Variants in SLC7A14 observed in about 807,000 individuals in gnomAD.
SLC7A14 encodes solute carrier family 7 member 14, also known as gamma-aminobutyric acid transporter SLC7A14.
SLC7A14 carries 37 observed loss-of-function variants against 60.2 expected under a neutral mutation model. The observed-to-expected ratio is 0.61, with a 90% CI of 0.47 to 0.81. The LOEUF (loss-of-function observed/expected upper bound fraction) is 0.81, where lower values mean the gene tolerates loss of function less well. Ranked by LOEUF, SLC7A14 falls within the 30% of genes least tolerant of loss-of-function variation. The probability of loss-of-function intolerance (pLI) is 0.00; values close to 1 mark genes in which losing one functional copy is unlikely to be tolerated. For missense variants in SLC7A14, 886 were observed against 982.7 expected, an observed-to-expected ratio of 0.90 and a Z score of 1.32; for synonymous variants, 399 against 395.8, an observed-to-expected ratio of 1.01 and a Z score of -0.10.
At chr3:170,475,953 T>C (rs1260451317) in intron 7 of SLC7A14, among the ~76,000 whole-genome samples, 1 of 152,176 alleles carries the variant, frequency 6.6e-6, no homozygotes, top group Non-Finnish European at 1.5e-5. Flanking sequence ...CCTCAGGTGA[T>C]CTGCCCACCT....
intron 2 of SLC7A14, among the ~76,000 whole-genome samples, chr3:170,505,883 G>A (rs192000854): frequency 2.7e-5 from 4 of 148,728 alleles, no homozygotes; most frequent in African/African-American, 7.5e-5. Context: ...GCAAGACTCT[G>A]TTTCAAAAAA....
chr3:170,468,233 A>G (rs1281847245), intron 7 of SLC7A14, among the ~76,000 whole-genome samples: 5 of 152,198 alleles, frequency 3.3e-5, no homozygotes, highest in Admixed American at 3.3e-4. Context: ...CATATATGCT[A>G]ATGTTTCATT....
At chr3:170,579,230 T>C (rs1420958004) in intron 1 of SLC7A14, among the ~76,000 whole-genome samples, 1 of 152,172 alleles carries the variant, frequency 6.6e-6, no homozygotes, top group South Asian at 2.1e-4. Flanking sequence ...TCAACTCAGG[T>C]GAGTGTTCCC....
intron 1 of SLC7A14, among the ~76,000 whole-genome samples, chr3:170,582,835 A>G (rs554583460): frequency 4.6e-4 from 70 of 152,318 alleles, no homozygotes; most frequent in South Asian, 1.2e-3. Flanking sequence ...CAAAAATCCA[A>G]TTGATGAAGA....
At chr3:170,475,602 T>C (rs1382202955) in intron 7 of SLC7A14, among the ~76,000 whole-genome samples, 1 of 152,232 alleles carries the variant, frequency 6.6e-6, no homozygotes, top group Non-Finnish European at 1.5e-5. Context: ...TTGATAAAAC[T>C]ATGCTCCCCT....
At chr3:170,487,830 A>G (rs575327469) in intron 4 of SLC7A14, among the ~76,000 whole-genome samples, 1 of 152,288 alleles carries the variant, frequency 6.6e-6, no homozygotes, top group South Asian at 2.1e-4. Flanking sequence ...GTTTTTCACT[A>G]CCTTCTAGTT....
At chr3:170,514,800 C>T (rs1409656994) in intron 2 of SLC7A14, among the ~76,000 whole-genome samples, 1 of 152,194 alleles carries the variant, frequency 6.6e-6, no homozygotes, top group Non-Finnish European at 1.5e-5. Flanking sequence ...AGGTTGGAAA[C>T]TGGCCAATAC....
At chr3:170,469,013 G>A (rs1739803541) in intron 7 of SLC7A14, among the ~76,000 whole-genome samples, 1 of 152,196 alleles carries the variant, frequency 6.6e-6, no homozygotes, top group East Asian at 1.9e-4. Context: ...AATGGTCAGA[G>A]TGTCCCTGAG....
intron 7 of SLC7A14, among the ~76,000 whole-genome samples, chr3:170,474,340 G>A (rs1003001518): frequency 1.3e-5 from 2 of 152,178 alleles, no homozygotes; most frequent in Non-Finnish European, 2.9e-5. Flanking sequence ...TGTCTCAGCT[G>A]CCACTGATTG....
At chr3:170,503,669 C>G (rs556451153) in intron 2 of SLC7A14, among the ~76,000 whole-genome samples, 2 of 152,278 alleles carry the variant, frequency 1.3e-5, no homozygotes, top group South Asian at 4.1e-4. Context: ...GCTTTTGAAG[C>G]AGGCATCGAT....
chr3:170,493,572 G>A (rs912114533), intron 4 of SLC7A14, among the ~76,000 whole-genome samples: 9 of 152,314 alleles, frequency 5.9e-5, no homozygotes, highest in Non-Finnish European at 1.2e-4. Context: ...GATAAGGAGT[G>A]AAGAAGTTCA....
chr3:170,545,152 G>GA (rs1714139411), intron 1 of SLC7A14, among the ~76,000 whole-genome samples: 1 of 152,190 alleles, frequency 6.6e-6, no homozygotes. Context: ...AACAACACCA[G>GA]AAAGGTGTGG....
At chr3:170,499,236 C>CAAAAAAAAAAAA (rs11336080) in intron 3 of SLC7A14, among the ~76,000 whole-genome samples, 52 of 59,918 alleles carry the variant, frequency 8.7e-4, no homozygotes, top group African/African-American at 5.0e-3. Context: ...GACTCTGTCT[C>CAAAAAAAAAAAA]AAAAAAAAAA....
intron 1 of SLC7A14, among the ~76,000 whole-genome samples, chr3:170,543,164 G>C (rs11919654): frequency 1.0e-3 from 158 of 152,260 alleles, no homozygotes; most frequent in African/African-American, 3.6e-3. Context: ...CACTCTCTCA[G>C]ATCTGAAGCT....
At chr3:170,571,468 T>TA (rs1189053182) in intron 1 of SLC7A14, among the ~76,000 whole-genome samples, 3 of 152,318 alleles carry the variant, frequency 2.0e-5, no homozygotes, top group South Asian at 2.1e-4. Flanking sequence ...CCTTGACAGT[T>TA]ACGTGAGACT....
At chr3:170,565,087 C>G (rs907111739) in intron 1 of SLC7A14, among the ~76,000 whole-genome samples, 1 of 152,146 alleles carries the variant, frequency 6.6e-6, no homozygotes, top group African/African-American at 2.4e-5. Context: ...TCTGCCCTTA[C>G]TATTTCAAGG....
At chr3:170,480,204 C>T (rs1356197765) in intron 7 of SLC7A14, 85 bp downstream of exon 7, 12 of 1,409,946 alleles carry the variant, frequency 8.5e-6, no homozygotes, top group Non-Finnish European at 1.1e-5. Context: ...ACGGAGTTGC[C>T]TAGTCCAGCT....
intron 2 of SLC7A14, among the ~76,000 whole-genome samples, chr3:170,523,253 C>A (rs566274008): frequency 2.0e-4 from 30 of 152,230 alleles, no homozygotes; most frequent in Non-Finnish European, 4.0e-4. Context: ...AGTGGCTGAA[C>A]CAGGTTTCAA....
chr3:170,553,762 A>G (rs1268601008), intron 1 of SLC7A14, among the ~76,000 whole-genome samples: 1 of 152,102 alleles, frequency 6.6e-6, no homozygotes, highest in Non-Finnish European at 1.5e-5. Flanking sequence ...TGTTTAAGCG[A>G]CTTGCTTGCC....
Sources: gnomAD v4.1 joint callset for allele counts (sites outside exome capture counted in the v4.1 genomes callset) on GRCh38, gnomAD v4.1.1 for gene constraint, MANE v1.5 for transcripts, NCBI Gene and HGNC (gene_info 2026-07-23, HGNC 2026-07-21) for gene names.